The following ABCC5 variants were observed in gnomAD, a reference collection of about 807,000 sequenced individuals.
ABCC5 encodes ATP-binding cassette sub-family C member 5.
In ABCC5, 61 loss-of-function variants were observed where a neutral mutation model predicts 160.9. That is an observed-to-expected ratio of 0.38 (90% CI 0.31 to 0.47). The LOEUF is 0.47. ABCC5 is among the 20% of genes least tolerant of loss of function. The probability of loss-of-function intolerance (pLI) is 0.99; values close to 1 mark genes in which losing one functional copy is unlikely to be tolerated. For missense variants in ABCC5, 1,308 were observed against 1,813.3 expected, an observed-to-expected ratio of 0.72 and a Z score of 5.06; for synonymous variants, 666 against 700.6, an observed-to-expected ratio of 0.95 and a Z score of 0.78.
intron 20 of ABCC5, among the ~76,000 whole-genome samples, chr3:183,950,366 T>C (rs922913469): frequency 2.0e-5 from 3 of 152,080 alleles, no homozygotes; most frequent in African/African-American, 7.2e-5. Flanking sequence ...GCTTTAAACA[T>C]TTTCCCCCTT....
intron 20 of ABCC5, 69 bp from the exon 21 acceptor site, chr3:183,950,194 A>G: frequency 6.7e-7 from 1 of 1,502,346 alleles, no homozygotes. Context: ...TGAAAAAAAC[A>G]AAAAGGGGTT....
intron 2 of ABCC5, among the ~76,000 whole-genome samples, chr3:183,993,961 CTTTTT>C (rs746329198): frequency 2.3e-5 from 3 of 133,206 alleles, no homozygotes; most frequent in Non-Finnish European, 3.2e-5. Context: ...GGAGATCTCA[CTTTTT>C]TTTTTTTTTT....
intron 2 of ABCC5, chr3:184,010,663 G>C (rs1218334311): frequency 6.5e-6 from 1 of 152,710 alleles, no homozygotes. Context: ...CACTCTCACA[G>C]CTTCACCTAT....
chr3:183,964,524 G>T (rs1397219268), intron 14 of ABCC5, among the ~76,000 whole-genome samples: 1 of 152,210 alleles, frequency 6.6e-6, no homozygotes, highest in African/African-American at 2.4e-5. Context: ...AACAGCCTAA[G>T]AATTTGTGTT....
At chr3:183,945,581 T>C (rs1714762069) in intron 24 of ABCC5, among the ~76,000 whole-genome samples, 1 of 152,204 alleles carries the variant, frequency 6.6e-6, no homozygotes, top group Admixed American at 6.5e-5. Flanking sequence ...AATGCTCCAT[T>C]AGTCAGTTAA....
intron 2 of ABCC5, among the ~76,000 whole-genome samples, chr3:183,994,541 A>G (rs1720086822): frequency 6.6e-6 from 1 of 152,138 alleles, no homozygotes; most frequent in African/African-American, 2.4e-5. Flanking sequence ...ACGCCTGGCT[A>G]ATTTTTCTAT....
At chr3:184,015,969 G>C (rs1226043214) in intron 1 of ABCC5, among the ~76,000 whole-genome samples, 1 of 152,156 alleles carries the variant, frequency 6.6e-6, no homozygotes, top group Non-Finnish European at 1.5e-5. Flanking sequence ...TAAAAGGTGG[G>C]GGTTGGGGCG....
intron 8 of ABCC5, among the ~76,000 whole-genome samples, chr3:183,979,162 C>T (rs557336941): frequency 5.3e-4 from 80 of 152,130 alleles, no homozygotes; most frequent in African/African-American, 1.8e-3. Flanking sequence ...CTGGCCAACA[C>T]GGCAAAACCC....
At position 183,987,939 on chromosome 3, in the gene ABCC5, C is replaced by T. The variant is rs776320520; in HGVS notation, c.444-22G>A. On this transcript the variant is annotated intron_variant, in intron 4 of 29. Coordinates refer to ENST00000334444, the MANE Select transcript of ABCC5 (RefSeq NM_005688.4). This position sits in a 1 kb window ranked among gnomAD's most constrained non-coding sequence, Gnocchi z 4.2. ...TAGTCTTAACAAGGGCACACGTCCT[C>T]GTTACACATCTCCTCGGGGGAAAGG... 6.2e-6 allele frequency: 10 copies of T among 1,609,844 alleles called. No homozygotes were observed. In the East Asian group the frequency reaches 1.1e-4, roughly 18 times the overall value.
intron 26 of ABCC5, among the ~76,000 whole-genome samples, chr3:183,930,779 T>C (rs1352440797): frequency 6.6e-6 from 1 of 152,222 alleles, no homozygotes; most frequent in African/African-American, 2.4e-5. Context: ...ACTTTGATTT[T>C]AGACTTCCAG....
At position 183,942,931 on chromosome 3, in the gene ABCC5, G is replaced by A; in HGVS notation, c.3505-15C>T. ...AAGGACAGAGTCTGGGGAGACAAGG[G>A]TGGCCAGTTCAGACTGACCACAGAT... On this transcript the variant is annotated splice_polypyrimidine_tract_variant and intron_variant, in intron 24 of 29. Transcript: ENST00000334444. 6.2e-7 allele frequency: 1 copy of A among 1,603,954 alleles called. No homozygotes were observed. Among genetic ancestry groups the A allele is most frequent in the Non-Finnish European group, 8.5e-7 (1 of 1,174,082 alleles).
In ABCC5 at chr3:183,988,598, G is replaced by A. The variant is rs769064388; in HGVS notation, c.417C>T (p.His139=). The part of the protein sequence containing the change: ...SMEDVWSLSK[H]ESSDVNCRRL... ...TTCTGCAGTTCACGTCAGAAGACTC[G>A]TGCTTGGACAGAGACCACACGTCTT... The change falls in exon 4 of 30, where the codon CAC becomes CAT. Residue 139 remains histidine (H), a synonymous_variant. Coordinates refer to ENST00000334444, the MANE Select transcript of ABCC5 (RefSeq NM_005688.4). This position sits in a 1 kb window ranked among gnomAD's most constrained non-coding sequence, Gnocchi z 4.4. 40 of 1,613,984 alleles carry A rather than the reference G, an allele frequency of 2.5e-5. No homozygotes were observed. Among genetic ancestry groups the A allele is most frequent in the East Asian group, 4.5e-5 (2 of 44,888 alleles).
At chr3:183,952,630 G>A (rs576653108) in intron 18 of ABCC5, among the ~76,000 whole-genome samples, 1 of 152,168 alleles carries the variant, frequency 6.6e-6, no homozygotes, top group Non-Finnish European at 1.5e-5. Context: ...CAGTTTAAAA[G>A]TGTTTGACAT....
intron 2 of ABCC5, among the ~76,000 whole-genome samples, chr3:184,011,943 G>GATGGA (rs1299403924): frequency 6.6e-6 from 1 of 151,978 alleles, no homozygotes; most frequent in Non-Finnish European, 1.5e-5. Context: ...AGATCCTTGT[G>GATGGA]ATGGAACCTT....
In ABCC5 at chr3:183,989,400, G is replaced by A. The variant is rs762409658; in HGVS notation, c.130-17C>T. The A allele has an allele frequency of 6.2e-7, 1 of 1,612,922 alleles. No homozygotes were observed. The highest frequency in any genetic ancestry group is 8.5e-7 in the Non-Finnish European group (1 of 1,179,544). On this transcript the variant is annotated splice_polypyrimidine_tract_variant and intron_variant, in intron 2 of 29. Transcript: ENST00000334444. ...GCATTCCAACTGTTCCAGCAGATAG[G>A]GAGAAAGGCAAGAGCACAGTTAATA...
At chr3:184,015,818 C>G (rs907243624) in intron 1 of ABCC5, among the ~76,000 whole-genome samples, 13 of 152,236 alleles carry the variant, frequency 8.5e-5, no homozygotes, top group African/African-American at 3.1e-4. Context: ...GACCTGGCAT[C>G]TGCCAGTGTC....
chr3:183,989,326 C>A lies in ABCC5; in HGVS notation c.187G>T (p.Ala63Ser). The change falls in exon 3 of 30, where the codon GCC (alanine) becomes TCC (serine). Residue 63 changes from alanine (A) to serine (S), a missense_variant. Ala to Ser is a moderately conservative substitution (Grantham distance 99). Transcript: ENST00000334444. ...ATTCTGAGCTGAGAATGCATGGAGG[C>A]ATCAAGAGAGAGGCCCTCGGCTCGG... ...AARAEGLSLD[A>S]SMHSQLRILD... is the part of the protein sequence containing the mutation. 6.2e-7 allele frequency: 1 copy of A among 1,614,106 alleles called. No homozygotes were observed. The highest frequency in any genetic ancestry group is 8.5e-7 in the Non-Finnish European group (1 of 1,180,012).
At chr3:183,985,016 AC>A in intron 5 of ABCC5, 1 of 850,966 alleles carries the variant, frequency 1.2e-6, no homozygotes. Flanking sequence ...AAGGTAAAAG[AC>A]ATAGTGAATG....
At chr3:184,014,590 C>CA (rs1722041483) in intron 1 of ABCC5, 143 bp from the exon 2 acceptor site, 2 of 398,638 alleles carry the variant, frequency 5.0e-6, no homozygotes, top group Non-Finnish European at 8.0e-6. Context: ...AATTAATTTT[C>CA]AAAAAAAGTT....
Sources: gnomAD v4.1 joint callset for allele counts (sites outside exome capture counted in the v4.1 genomes callset) on GRCh38, gnomAD v4.1.1 for gene constraint, Gnocchi (gnomAD v3.1) non-coding constraint, MANE v1.5 for transcripts, NCBI Gene and HGNC (gene_info 2026-07-23, HGNC 2026-07-21) for gene names.